Variants in ZBBX observed in about 807,000 individuals in gnomAD.
ZBBX encodes the protein zinc finger B-box domain-containing protein 1.
In ZBBX, 101 loss-of-function variants were observed where a neutral mutation model predicts 108.5. The observed-to-expected ratio is 0.93, with a 90% CI of 0.79 to 1.10. The LOEUF (loss-of-function observed/expected upper bound fraction) is 1.10, where lower values mean the gene tolerates loss of function less well. Among genes scored for constraint, ZBBX ranks in the 50% least tolerant of loss-of-function variants. ZBBX has a pLI of 0.00. For missense variants in ZBBX, 1,009 were observed against 941.4 expected (o/e 1.07, Z -0.94); for synonymous variants, 356 against 323.4 (o/e 1.10, Z -1.08).
At chr3:167,268,065 G>T (rs911184255) in intron 20 of ZBBX, among the ~76,000 whole-genome samples, 4 of 152,080 alleles carry the variant, frequency 2.6e-5, no homozygotes, top group Middle Eastern at 3.2e-3. Flanking sequence ...CAATGTAAAA[G>T]AGATATCCAA....
At chr3:167,287,378 C>A (rs1340660405) in intron 19 of ZBBX, among the ~76,000 whole-genome samples, 1 of 152,006 alleles carries the variant, frequency 6.6e-6, no homozygotes, top group African/African-American at 2.4e-5. Flanking sequence ...TTAGGCATTA[C>A]CTCAGCCTTA....
intron 20 of ZBBX, among the ~76,000 whole-genome samples, chr3:167,257,435 T>C (rs1225552828): frequency 2.0e-5 from 3 of 152,132 alleles, no homozygotes; most frequent in Non-Finnish European, 4.4e-5. Context: ...AAACATACAG[T>C]ACTATGCTGA....
At chr3:167,369,799 G>T (rs1476720689) in intron 4 of ZBBX, among the ~76,000 whole-genome samples, 1 of 152,180 alleles carries the variant, frequency 6.6e-6, no homozygotes, top group Non-Finnish European at 1.5e-5. Flanking sequence ...AGTATGAGCT[G>T]AAACCTAAAG....
intron 1 of ZBBX, among the ~76,000 whole-genome samples, chr3:167,393,362 A>C (rs1056825756): frequency 2.0e-5 from 3 of 151,930 alleles, no homozygotes; most frequent in Admixed American, 6.6e-5. Context: ...TAACCAATTC[A>C]TGAGGCATAT....
chr3:167,364,608 C>G (rs1389795100), intron 6 of ZBBX, among the ~76,000 whole-genome samples: 1 of 151,816 alleles, frequency 6.6e-6, no homozygotes, highest in Non-Finnish European at 1.5e-5. Context: ...ATAATAATAA[C>G]ATCCTCTTAG....
chr3:167,280,112 G>T (rs1297604017), intron 20 of ZBBX, among the ~76,000 whole-genome samples: 1 of 152,066 alleles, frequency 6.6e-6, no homozygotes, highest in Non-Finnish European at 1.5e-5. Flanking sequence ...ATGGATTAAA[G>T]ACTTAAACTT....
chr3:167,325,448 A>T (rs1247722219), intron 11 of ZBBX, among the ~76,000 whole-genome samples: 1 of 152,030 alleles, frequency 6.6e-6, no homozygotes, highest in Non-Finnish European at 1.5e-5. Flanking sequence ...CACAGGAAAG[A>T]CCCACTCCCA....
chr3:167,187,131 C>T, the ZBBX span, among the ~76,000 whole-genome samples: 2 of 151,980 alleles, frequency 1.3e-5, no homozygotes, highest in African/African-American at 2.4e-5. Flanking sequence ...TTATTTTGTT[C>T]GGTTTTGTTT....
intron 17 of ZBBX, among the ~76,000 whole-genome samples, chr3:167,298,922 C>G (rs1732139788): frequency 6.6e-6 from 1 of 151,952 alleles, no homozygotes; most frequent in Admixed American, 6.6e-5. Context: ...AAACACTCAT[C>G]ATGAAGCAAA....
chr3:167,239,778 C>A (rs1356320526), downstream of ZBBX, among the ~76,000 whole-genome samples: 1 of 151,986 alleles, frequency 6.6e-6, no homozygotes, highest in African/African-American at 2.4e-5. Context: ...ATTATAAGGT[C>A]TGACAAAGTA....
the ZBBX span, among the ~76,000 whole-genome samples, chr3:167,203,569 ATTC>A: frequency 2.0e-5 from 3 of 152,128 alleles, no homozygotes; most frequent in African/African-American, 7.2e-5. Context: ...TTCTCCTTAT[ATTC>A]TTCTTAATTT....
At chr3:167,345,994 G>C (rs1056757032) in intron 9 of ZBBX, among the ~76,000 whole-genome samples, 2 of 151,758 alleles carry the variant, frequency 1.3e-5, no homozygotes, top group African/African-American at 4.8e-5. Context: ...CCCCCCTTGT[G>C]CATGTCATAC....
At chr3:167,179,663 A>G in the ZBBX span, among the ~76,000 whole-genome samples, 2 of 152,206 alleles carry the variant, frequency 1.3e-5, no homozygotes, top group Non-Finnish European at 2.9e-5. Context: ...CAATACCTCA[A>G]TTACAGCTAC....
At chr3:167,351,058 T>G (rs1333245820) in intron 8 of ZBBX, among the ~76,000 whole-genome samples, 3 of 151,890 alleles carry the variant, frequency 2.0e-5, no homozygotes, top group Non-Finnish European at 4.4e-5. Context: ...AGTATGGCTT[T>G]AAAATTTTTC....
chr3:167,365,788 GAA>G lies in ZBBX; in HGVS notation c.273+96_273+97del, dbSNP rs1009241850. ...ATAATATGCAAAGTTGTTAAAATAAGAAGAGTATATTCCTGAGTATAGAAGAA... is the reference window on the plus strand; with the variant it reads ...ATAATATGCAAAGTTGTTAAAATAAGGAGTATATTCCTGAGTATAGAAGAA... On this transcript the variant is annotated intron_variant, in intron 6 of 21. Transcript: ENST00000675490. 5 of 621,870 alleles carry G rather than the reference GAA, an allele frequency of 8.0e-6. No individual in the cohort carries two copies. In the Admixed American group the frequency reaches 1.9e-4, roughly 24 times the overall value. 38.5% of individuals were successfully genotyped at this position (621,870 alleles called of 1,614,324 possible).
rs1005614315 is a variant in ZBBX, at chr3:167,373,636, C to T, written c.-50+70G>A. The T allele has an allele frequency of 2.2e-4, 33 of 152,168 alleles. 1 individual carries two copies. Among genetic ancestry groups the T allele is most frequent in the African/African-American group, 7.5e-4 (31 of 41,526 alleles). The allele number at this position is 152,168 out of a possible 1,614,324, so 9.4% of individuals were successfully genotyped here. On this transcript the variant is annotated intron_variant, in intron 3 of 21. Transcript: ENST00000675490. ...GTTATATGTATGTACATACTATATT[C>T]TTTTAAAAAGTAAGCTAGATAACAG...
intron 19 of ZBBX, among the ~76,000 whole-genome samples, chr3:167,282,846 C>A (rs1486094192): frequency 2.6e-5 from 4 of 152,132 alleles, no homozygotes; most frequent in African/African-American, 9.7e-5. Context: ...AGCACCACGA[C>A]ATGTGTCTTA....
chr3:167,400,291 A>C (rs988867539), intron 1 of ZBBX, among the ~76,000 whole-genome samples: 2 of 152,198 alleles, frequency 1.3e-5, no homozygotes, highest in East Asian at 1.9e-4. Context: ...ACTGCTTTCT[A>C]GAGTGGCTAA....
chr3:167,370,542 GA>G (rs1444180603), intron 4 of ZBBX, among the ~76,000 whole-genome samples: 1 of 152,166 alleles, frequency 6.6e-6, no homozygotes, highest in Non-Finnish European at 1.5e-5. Flanking sequence ...CATTTGCTTA[GA>G]AGACTTCTGA....
Sources: allele counts gnomAD v4.1 joint callset (sites outside exome capture counted in the v4.1 genomes callset), GRCh38; gene constraint gnomAD v4.1.1; transcripts MANE v1.5; gene names NCBI Gene and HGNC (gene_info 2026-07-23, HGNC 2026-07-21).